The following MGAT4C variants were observed in gnomAD, a reference collection of about 807,000 sequenced individuals.
MGAT4C encodes alpha-1,3-mannosyl-glycoprotein 4-beta-N-acetylglucosaminyltransferase C.
In MGAT4C, 19 loss-of-function variants were observed where a neutral mutation model predicts 40.1. The observed-to-expected ratio is 0.47, with a 90% confidence interval of 0.33 to 0.70. The LOEUF is 0.70. Among genes scored for constraint, MGAT4C ranks in the 30% least tolerant of loss-of-function variants. The pLI, the probability that MGAT4C is intolerant of heterozygous loss-of-function variation, is 0.02. For missense variants in MGAT4C, 491 were observed against 563.2 expected, an observed-to-expected ratio of 0.87 and a Z score of 1.30; for synonymous variants, 181 against 187.1, an observed-to-expected ratio of 0.97 and a Z score of 0.27.
At chr12:86,315,228 C>T (rs1230266972) in intron 4 of MGAT4C, among the ~76,000 whole-genome samples, 1 of 151,966 alleles carries the variant, frequency 6.6e-6, no homozygotes, top group African/African-American at 2.4e-5. Context: ...ATAATCTGGT[C>T]TTTGACAAAG....
intron 3 of MGAT4C, among the ~76,000 whole-genome samples, chr12:86,414,956 T>G (rs1956678588): frequency 6.6e-6 from 1 of 152,128 alleles, no homozygotes; most frequent in Admixed American, 6.6e-5. Context: ...CTATTTGTAC[T>G]ACAGCAATAA....
chr12:86,425,756 A>T (rs1230892613), intron 3 of MGAT4C, among the ~76,000 whole-genome samples: 1 of 152,178 alleles, frequency 6.6e-6, no homozygotes, highest in Non-Finnish European at 1.5e-5. Flanking sequence ...CTTTTCAATG[A>T]GAAGACTGAA....
At chr12:86,422,796 T>G (rs1956852798) in intron 3 of MGAT4C, among the ~76,000 whole-genome samples, 1 of 152,038 alleles carries the variant, frequency 6.6e-6, no homozygotes, top group Non-Finnish European at 1.5e-5. Context: ...TGTATTTTAT[T>G]TTGGAAAAAA....
At chr12:86,774,281 C>CTTTTTCTTTCTTTCTTTCTTTCTTT (rs1951692302) in intron 1 of MGAT4C, among the ~76,000 whole-genome samples, 1 of 58,934 alleles carries the variant, frequency 1.7e-5, no homozygotes, top group African/African-American at 6.4e-5. Flanking sequence ...CTAAGGCTTG[C>CTTTTTCTTTCTTTCTTTCTTTCTTT]TCTTTCTTTC....
intron 3 of MGAT4C, among the ~76,000 whole-genome samples, chr12:86,343,777 C>G (rs891171586): frequency 6.6e-6 from 1 of 152,288 alleles, no homozygotes; most frequent in Non-Finnish European, 1.5e-5. Context: ...CTTCTCAACT[C>G]TTATGAAGCC....
intron 2 of MGAT4C, among the ~76,000 whole-genome samples, chr12:86,718,947 G>A (rs1950694625): frequency 1.3e-5 from 2 of 152,066 alleles, no homozygotes; most frequent in Admixed American, 1.3e-4. Context: ...TAGGGTACCT[G>A]GGTTTCTTTA....
intron 2 of MGAT4C, among the ~76,000 whole-genome samples, chr12:86,007,583 TATC>T (rs1251393808): frequency 2.6e-5 from 4 of 152,044 alleles, no homozygotes; most frequent in South Asian, 2.1e-4. Context: ...AAAGTATAAA[TATC>T]ATCATACGAC....
intron 1 of MGAT4C, among the ~76,000 whole-genome samples, chr12:86,247,044 G>A (rs1952067137): frequency 6.6e-6 from 1 of 152,140 alleles, no homozygotes; most frequent in Non-Finnish European, 1.5e-5. Context: ...TTTCTATGAT[G>A]AGTCTGTATC....
At chr12:86,255,071 G>A (rs1318441375) in intron 1 of MGAT4C, among the ~76,000 whole-genome samples, 1 of 151,902 alleles carries the variant, frequency 6.6e-6, no homozygotes, top group African/African-American at 2.4e-5. Flanking sequence ...TATGTTAAAG[G>A]CACAGTAAAA....
intron 1 of MGAT4C, among the ~76,000 whole-genome samples, chr12:86,808,323 C>T (rs1952403627): frequency 6.6e-6 from 1 of 151,832 alleles, no homozygotes; most frequent in Non-Finnish European, 1.5e-5. Context: ...AGATATACAA[C>T]AAAAAAGGAA....
intron 2 of MGAT4C, among the ~76,000 whole-genome samples, chr12:86,443,169 C>T (rs76101084): frequency 0.014 from 2,067 of 151,680 alleles, 30 homozygotes; most frequent in Non-Finnish European, 0.022. Flanking sequence ...ATTTATATTT[C>T]CACTGACATT....
chr12:86,165,253 A>C (rs1294024981), intron 1 of MGAT4C, among the ~76,000 whole-genome samples: 2 of 152,142 alleles, frequency 1.3e-5, no homozygotes, highest in Non-Finnish European at 2.9e-5. Flanking sequence ...TGTAGATATA[A>C]ATAATGCATT....
intron 2 of MGAT4C, among the ~76,000 whole-genome samples, chr12:86,660,232 C>A (rs181935029): frequency 1.3e-5 from 2 of 151,942 alleles, no homozygotes; most frequent in African/African-American, 4.8e-5. Flanking sequence ...AGTAGATTGA[C>A]GGGATTTGAT....
chr12:86,262,355 T>G (rs1208800770), intron 4 of MGAT4C, among the ~76,000 whole-genome samples: 1 of 152,144 alleles, frequency 6.6e-6, no homozygotes, highest in Non-Finnish European at 1.5e-5. Context: ...ACAGGCTCTT[T>G]GCATATGCTT....
rs891225026 is a variant in MGAT4C at position 86,251,279 on chromosome 12, T to G, written c.-57+4960A>C. Among the ~76,000 whole-genome samples the G allele has an allele frequency of 7.9e-5, 12 of 152,084 alleles. No individual in the cohort carries two copies. In the East Asian group the frequency reaches 2.1e-3, roughly 27 times the overall value. On this transcript the variant is annotated intron_variant, in intron 1 of 4. Coordinates refer to ENST00000611864, the MANE Select transcript of MGAT4C (RefSeq NM_001351288.2). ...TGTAACATAAAAATCTATTTTAGATTAAAACATACCTGAGAACTTAGAGAC... is the reference window on the plus strand; with the variant it reads ...TGTAACATAAAAATCTATTTTAGATGAAAACATACCTGAGAACTTAGAGAC...
At chr12:86,107,040 T>G (rs933077033) in intron 1 of MGAT4C, among the ~76,000 whole-genome samples, 2 of 152,172 alleles carry the variant, frequency 1.3e-5, no homozygotes, top group African/African-American at 2.4e-5. Flanking sequence ...GATTCACTTT[T>G]GTGGATCTGA....
intron 1 of MGAT4C, among the ~76,000 whole-genome samples, chr12:86,095,755 G>A (rs544329119): frequency 6.7e-5 from 10 of 148,386 alleles, no homozygotes; most frequent in African/African-American, 2.0e-4. Flanking sequence ...TTCAATTCCT[G>A]TAAATCAAAC....
intron 1 of MGAT4C, among the ~76,000 whole-genome samples, chr12:86,120,852 G>A (rs540925983): frequency 6.9e-4 from 105 of 152,332 alleles, no homozygotes; most frequent in South Asian, 1.0e-3. Context: ...CCAAAGGAAC[G>A]CAGCTCCTTG....
chr12:86,202,218 C>A (rs1168405611), intron 1 of MGAT4C, among the ~76,000 whole-genome samples: 1 of 152,036 alleles, frequency 6.6e-6, no homozygotes, highest in Non-Finnish European at 1.5e-5. Flanking sequence ...CATCAATATT[C>A]TGCCATTACA....
Sources: allele counts gnomAD v4.1 joint callset (sites outside exome capture counted in the v4.1 genomes callset), GRCh38; gene constraint gnomAD v4.1.1; transcripts MANE v1.5; gene names NCBI Gene and HGNC (gene_info 2026-07-23, HGNC 2026-07-21).